The following FHIT variants were observed in gnomAD, a reference collection of about 807,000 sequenced individuals.
The protein encoded by FHIT is bis(5'-adenosyl)-triphosphatase.
In FHIT, 19 loss-of-function variants were observed where a neutral mutation model predicts 17.9. The ratio of observed to expected loss-of-function variants is 1.06; its 90% CI spans 0.74 to 1.56. The LOEUF (loss-of-function observed/expected upper bound fraction) is 1.56. Ranked by LOEUF, FHIT falls within the 40% of genes most tolerant of loss-of-function variation. The pLI is 0.00. For missense variants in FHIT, 248 were observed against 189.2 expected (o/e 1.31, Z -1.82); for synonymous variants, 81 against 69.7 (o/e 1.16, Z -0.81).
chr3:60,320,230 A>T (rs994704126), intron 5 of FHIT, among the ~76,000 whole-genome samples: 1 of 152,206 alleles, frequency 6.6e-6, no homozygotes, highest in African/African-American at 2.4e-5. Context: ...AAATTTGTTT[A>T]TTCTTACATA....
At chr3:60,365,169 C>T (rs2107022924) in intron 5 of FHIT, among the ~76,000 whole-genome samples, 1 of 148,798 alleles carries the variant, frequency 6.7e-6, no homozygotes, top group East Asian at 1.9e-4. Flanking sequence ...GTATTTAATA[C>T]TATATTATAT....
At chr3:60,174,978 C>A (rs941319622) in intron 5 of FHIT, among the ~76,000 whole-genome samples, 3 of 152,168 alleles carry the variant, frequency 2.0e-5, no homozygotes, top group African/African-American at 7.2e-5. Context: ...TATAGGTTGA[C>A]TGTGTGAACG....
intron 5 of FHIT, among the ~76,000 whole-genome samples, chr3:60,188,312 A>C (rs1393012682): frequency 5.3e-5 from 8 of 149,548 alleles, no homozygotes; most frequent in Non-Finnish European, 8.9e-5. Context: ...CTGTTATTCC[A>C]CCTCACTTTT....
At chr3:61,031,892 A>C (rs927246891) in intron 3 of FHIT, among the ~76,000 whole-genome samples, 5 of 152,226 alleles carry the variant, frequency 3.3e-5, no homozygotes, top group African/African-American at 1.2e-4. Context: ...AAAATAAAGT[A>C]AGTTCACCTT....
Position 60,374,428 on chromosome 3 carries a change from T to A in FHIT, c.103+162432A>T, listed in dbSNP as rs372269982. On this transcript the variant is annotated intron_variant, in intron 5 of 9. Coordinates refer to ENST00000492590, the MANE Select transcript of FHIT (RefSeq NM_002012.4). ...TTTTACTCAATTCTACTCTGCATCA[T>A]TAAACAGGACTAAAAGCTTTACATT... Among the ~76,000 whole-genome samples, 17 of 152,038 alleles carry A rather than the reference T, an allele frequency of 1.1e-4. No homozygotes were observed. The East Asian group carries it at 2.1e-3, about 19-fold the overall frequency.
intron 5 of FHIT, among the ~76,000 whole-genome samples, chr3:60,183,812 G>A (rs969120431): frequency 6.6e-6 from 1 of 151,986 alleles, no homozygotes; most frequent in Non-Finnish European, 1.5e-5. Flanking sequence ...ACAGTCAACA[G>A]CGTTAACGTT....
At chr3:60,339,122 G>T (rs1197037651) in intron 5 of FHIT, among the ~76,000 whole-genome samples, 1 of 152,102 alleles carries the variant, frequency 6.6e-6, no homozygotes, top group African/African-American at 2.4e-5. Flanking sequence ...CAATATGTAA[G>T]TATGTATGCA....
intron 5 of FHIT, among the ~76,000 whole-genome samples, chr3:60,291,626 G>C (rs144546779): frequency 6.6e-6 from 1 of 151,896 alleles, no homozygotes; most frequent in Non-Finnish European, 1.5e-5. Flanking sequence ...TAATTTCTTG[G>C]GATGCTTTTC....
At chr3:60,626,783 CTCTTTTTTTT>C (rs1352270893) in intron 4 of FHIT, among the ~76,000 whole-genome samples, 9 of 85,942 alleles carry the variant, frequency 1.0e-4, no homozygotes, top group Admixed American at 5.1e-4. Flanking sequence ...GGGGAAAACA[CTCTTTTTTTT>C]TTTTTTTTTT....
intron 5 of FHIT, among the ~76,000 whole-genome samples, chr3:60,390,537 C>T (rs1701186445): frequency 6.6e-6 from 1 of 151,596 alleles, no homozygotes; most frequent in Non-Finnish European, 1.5e-5. Context: ...CAGGCAAGTC[C>T]TTCAGGAGTT....
intron 5 of FHIT, among the ~76,000 whole-genome samples, chr3:60,339,041 A>C (rs564568225): frequency 6.6e-6 from 1 of 152,062 alleles, no homozygotes; most frequent in Non-Finnish European, 1.5e-5. Context: ...AAAACTTTAC[A>C]TTTGCTATTT....
At chr3:60,675,821 A>G (rs2040610705) in intron 4 of FHIT, among the ~76,000 whole-genome samples, 1 of 152,262 alleles carries the variant, frequency 6.6e-6, no homozygotes. Flanking sequence ...CAGCAAATCA[A>G]ATTCTCAGAA....
At chr3:59,900,765 C>A (rs774459059) in intron 8 of FHIT, among the ~76,000 whole-genome samples, 1 of 152,080 alleles carries the variant, frequency 6.6e-6, no homozygotes, top group African/African-American at 2.4e-5. Context: ...AGGCACCCAC[C>A]ACCATGCTTG....
At chr3:60,675,540 G>A (rs566417233) in intron 4 of FHIT, among the ~76,000 whole-genome samples, 1 of 152,314 alleles carries the variant, frequency 6.6e-6, no homozygotes, top group African/African-American at 2.4e-5. Context: ...GAGATTACAT[G>A]AAAATTGTAA....
intron 4 of FHIT, among the ~76,000 whole-genome samples, chr3:60,539,497 T>G (rs1387060392): frequency 6.6e-6 from 1 of 152,176 alleles, no homozygotes; most frequent in African/African-American, 2.4e-5. Context: ...TGCACACATA[T>G]GTTTATTGCG....
chr3:60,229,641 C>A (rs1331598799), intron 5 of FHIT, among the ~76,000 whole-genome samples: 1 of 151,950 alleles, frequency 6.6e-6, no homozygotes, highest in Non-Finnish European at 1.5e-5. Flanking sequence ...AGTAACTGGG[C>A]TGAGAAAAAA....
At chr3:61,226,167 A>T (rs17064663) in intron 1 of FHIT, among the ~76,000 whole-genome samples, 11,359 of 152,234 alleles carry the variant, frequency 0.075, 1,104 homozygotes, top group East Asian at 0.4. Flanking sequence ...GCCTCCAAAG[A>T]TAACAGTCGT....
At chr3:60,689,139 T>C (rs1040671750) in intron 4 of FHIT, among the ~76,000 whole-genome samples, 15 of 152,306 alleles carry the variant, frequency 9.8e-5, no homozygotes, top group African/African-American at 3.1e-4. Context: ...GCACAAGCTC[T>C]CTCTTTTTGC....
intron 8 of FHIT, among the ~76,000 whole-genome samples, chr3:59,918,878 G>T (rs544581643): frequency 2.6e-5 from 4 of 152,168 alleles, no homozygotes; most frequent in African/African-American, 9.7e-5. Context: ...TAAAACACAT[G>T]TGAAGAGGCA....
Sources: allele counts gnomAD v4.1 joint callset (sites outside exome capture counted in the v4.1 genomes callset), GRCh38; gene constraint gnomAD v4.1.1; transcripts MANE v1.5; gene names NCBI Gene and HGNC (gene_info 2026-07-23, HGNC 2026-07-21).